The following UBE2V2 variants were observed in gnomAD, a reference collection of about 807,000 sequenced individuals.
UBE2V2 encodes the protein ubiquitin conjugating enzyme E2 V2.
In UBE2V2, 9 loss-of-function variants were observed where a neutral mutation model predicts 17.2. The ratio of observed to expected loss-of-function variants is 0.52; its 90% CI spans 0.32 to 0.91. The LOEUF (loss-of-function observed/expected upper bound fraction) is 0.91. Ranked by LOEUF, UBE2V2 falls within the 40% of genes least tolerant of loss-of-function variation. The pLI is 0.04. For missense variants in UBE2V2, 133 were observed against 182.6 expected, an observed-to-expected ratio of 0.73 and a Z score of 1.56; for synonymous variants, 61 against 57.5, an observed-to-expected ratio of 1.06 and a Z score of -0.28.
chr8:48,028,853 T>G (rs931113646), intron 1 of UBE2V2, among the ~76,000 whole-genome samples: 14 of 152,198 alleles, frequency 9.2e-5, no homozygotes, highest in Non-Finnish European at 1.9e-4. Flanking sequence ...CTTTATGTAT[T>G]CTGGATACAA....
chr8:48,029,081 G>T (rs1268326467), intron 1 of UBE2V2, among the ~76,000 whole-genome samples: 2 of 152,048 alleles, frequency 1.3e-5, no homozygotes, highest in Admixed American at 1.3e-4. Flanking sequence ...CAGGCCAGGT[G>T]CAGTAGGAGG....
chr8:48,022,763 TG>T (rs751685057), intron 1 of UBE2V2, among the ~76,000 whole-genome samples: 53 of 152,230 alleles, frequency 3.5e-4, no homozygotes, highest in African/African-American at 9.9e-4. Context: ...AGCTTTGTCC[TG>T]GGACAGACAG....
At chr8:48,015,311 A>G (rs1395900250) in intron 1 of UBE2V2, among the ~76,000 whole-genome samples, 2 of 152,104 alleles carry the variant, frequency 1.3e-5, no homozygotes, top group African/African-American at 4.8e-5. Flanking sequence ...TGGGAGGTTG[A>G]GGCTGCAGTG....
chr8:48,034,888 G>T lies in UBE2V2; in HGVS notation c.17-8145G>T, dbSNP rs2091411065. On this transcript the variant is annotated intron_variant, in intron 1 of 3. Transcript: ENST00000523111. The stretch of plus-strand genomic sequence containing the variant: ...TAGAGTCACTCATGTGGTTGCATCA[G>T]CTGGTGAAGGGATAGGCTTGTTGCC... 9 of 252,896 alleles carry T rather than the reference G, an allele frequency of 3.6e-5. No individual in the cohort carries two copies. The South Asian group carries it at 1.3e-3, about 37-fold the overall frequency. The allele number at this position is 252,896 out of a possible 1,614,324, so 15.7% of individuals were successfully genotyped here. A position where few individuals can be genotyped will look rare whatever the true frequency, so the allele number is the denominator to read the frequency against.
At chr8:48,031,089 A>G (rs1002181910) in intron 1 of UBE2V2, among the ~76,000 whole-genome samples, 2 of 151,948 alleles carry the variant, frequency 1.3e-5, no homozygotes, top group Non-Finnish European at 2.9e-5. Context: ...GGCACCTGTA[A>G]TCCCAGCTAC....
chr8:48,045,316 C>T (rs895128324), intron 2 of UBE2V2, among the ~76,000 whole-genome samples: 7 of 152,098 alleles, frequency 4.6e-5, no homozygotes, highest in African/African-American at 1.7e-4. Flanking sequence ...ACAGGGAAAC[C>T]GTGTATTTTT....
chr8:48,005,527 T>C (rs2091178177), upstream of UBE2V2, among the ~76,000 whole-genome samples: 1 of 152,244 alleles, frequency 6.6e-6, no homozygotes, highest in African/African-American at 2.4e-5. Flanking sequence ...GCTTTGGGTA[T>C]ATACCCAGTA....
chr8:48,036,677 C>T (rs1459617774), intron 1 of UBE2V2, among the ~76,000 whole-genome samples: 1 of 151,746 alleles, frequency 6.6e-6, no homozygotes, highest in Non-Finnish European at 1.5e-5. Context: ...CCTTGTGATC[C>T]ACCCGCCTTG....
At chr8:48,011,303 G>T (rs2091229693) in intron 1 of UBE2V2, among the ~76,000 whole-genome samples, 1 of 151,922 alleles carries the variant, frequency 6.6e-6, no homozygotes. Flanking sequence ...GAGTAGCTGG[G>T]TTTACAGGCA....
At chr8:48,008,296 C>T (rs555926993), upstream of UBE2V2, 226 of 902,238 alleles carry the variant, frequency 2.5e-4, no homozygotes, top group Admixed American at 1.3e-3. Context: ...GCAGCGAGGC[C>T]CCGCGACCCC....
At chr8:48,050,044 C>T (rs2091525575) in intron 3 of UBE2V2, 66 bp downstream of exon 3, 3 of 1,124,818 alleles carry the variant, frequency 2.7e-6, no homozygotes, top group South Asian at 4.4e-5. Context: ...TATACGTACA[C>T]ACACCATAAT....
intron 1 of UBE2V2, among the ~76,000 whole-genome samples, chr8:48,030,809 G>A (rs1161127639): frequency 1.3e-5 from 2 of 152,094 alleles, no homozygotes; most frequent in Non-Finnish European, 2.9e-5. Flanking sequence ...ATCACTTGAA[G>A]TCAGGAGTTT....
chr8:48,057,807 A>G (rs1237898337), intron 3 of UBE2V2, among the ~76,000 whole-genome samples: 1 of 152,158 alleles, frequency 6.6e-6, no homozygotes, highest in African/African-American at 2.4e-5. Context: ...AGAAAAACTA[A>G]TTATTGTATA....
At chr8:48,037,021 A>T (rs1465638401) in intron 1 of UBE2V2, among the ~76,000 whole-genome samples, 3 of 152,170 alleles carry the variant, frequency 2.0e-5, no homozygotes, top group African/African-American at 7.2e-5. Context: ...TCTACTAAAA[A>T]TACAAATATT....
At chr8:48,058,867 T>C (rs991317004) in intron 3 of UBE2V2, among the ~76,000 whole-genome samples, 3 of 151,936 alleles carry the variant, frequency 2.0e-5, no homozygotes, top group Non-Finnish European at 1.5e-5. Flanking sequence ...TTTTAAAATA[T>C]TGAATCTATC....
At chr8:48,024,608 A>G (rs959006848) in intron 1 of UBE2V2, among the ~76,000 whole-genome samples, 4 of 152,180 alleles carry the variant, frequency 2.6e-5, no homozygotes, top group Admixed American at 6.6e-5. Flanking sequence ...AAAAAAAAAA[A>G]AGAGATTCTT....
In UBE2V2 at chr8:48,063,828, C is replaced by A. The variant is rs1483164575; in HGVS notation, c.*3000C>A. 5 of 152,148 alleles carry A rather than the reference C, an allele frequency of 3.3e-5. No individual in the cohort carries two copies. Among genetic ancestry groups the A allele is most frequent in the Non-Finnish European group, 5.9e-5 (4 of 68,026 alleles). 9.4% of individuals were successfully genotyped at this position (152,148 alleles called of 1,614,324 possible). A position where few individuals can be genotyped will look rare whatever the true frequency, so the allele number is the denominator to read the frequency against. ...TTTCGCAGAGTAGATTTGTTTGACT[C>A]ATGGTTTATTAGTCTGGATTACTTA... On this transcript the variant is annotated 3_prime_UTR_variant, in exon 4 of 4. Transcript: ENST00000523111.
the UBE2V2 span, among the ~76,000 whole-genome samples, chr8:47,999,831 G>T: frequency 6.6e-6 from 1 of 152,170 alleles, no homozygotes; most frequent in African/African-American, 2.4e-5. Flanking sequence ...CTCAAAAACC[G>T]AGCTCCCCGA....
chr8:48,063,438 T>A lies in UBE2V2; in HGVS notation c.*2610T>A, dbSNP rs1802623574. 1 of 152,242 alleles carries A rather than the reference T, an allele frequency of 6.6e-6. No homozygotes were observed. Among genetic ancestry groups the A allele is most frequent in the African/African-American group, 2.4e-5 (1 of 41,466 alleles). 9.4% of individuals were successfully genotyped at this position (152,242 alleles called of 1,614,324 possible). A position where few individuals can be genotyped will look rare whatever the true frequency, so the allele number is the denominator to read the frequency against. On this transcript the variant is annotated 3_prime_UTR_variant, in exon 4 of 4. Coordinates refer to ENST00000523111, the MANE Select transcript of UBE2V2 (RefSeq NM_003350.3). ...AGGTTGTAGGAGTGTGTGGTATTTATTACCTTTTAAATGAACTGTAAATTT... is the reference window on the plus strand; with the variant it reads ...AGGTTGTAGGAGTGTGTGGTATTTAATACCTTTTAAATGAACTGTAAATTT...
Sources: allele counts gnomAD v4.1 joint callset (sites outside exome capture counted in the v4.1 genomes callset), GRCh38; gene constraint gnomAD v4.1.1; transcripts MANE v1.5; gene names NCBI Gene and HGNC (gene_info 2026-07-23, HGNC 2026-07-21).